The following NIBAN3 variants were observed in gnomAD, a reference collection of about 807,000 sequenced individuals.
NIBAN3 encodes the protein niban apoptosis regulator 3, also known as protein Niban 3.
NIBAN3 carries 66 observed loss-of-function variants against 76.4 expected under a neutral mutation model. The ratio of observed to expected loss-of-function variants is 0.86; its 90% confidence interval spans 0.71 to 1.06. The LOEUF (loss-of-function observed/expected upper bound fraction) is 1.06, where lower values mean the gene tolerates loss of function less well. Ranked by LOEUF, NIBAN3 falls within the 50% of genes least tolerant of loss-of-function variation. The probability of loss-of-function intolerance (pLI) is 0.00; values close to 1 mark genes in which losing one functional copy is unlikely to be tolerated. For missense variants in NIBAN3, 808 were observed against 810.7 expected (o/e 1.00, Z 0.04); for synonymous variants, 360 against 355.2 (o/e 1.01, Z -0.15).
chr19:17,526,862 C>CT (rs1328023419), upstream of NIBAN3, among the ~76,000 whole-genome samples: 1 of 152,020 alleles, frequency 6.6e-6, no homozygotes, highest in East Asian at 1.9e-4. Context: ...CTGTCCAGCT[C>CT]TGTCTCCCCA....
chr19:17,553,409 T>C lies in NIBAN3; in HGVS notation c.*1511T>C, dbSNP rs1421896219. On this transcript the variant is annotated 3_prime_UTR_variant, in exon 15 of 15. Coordinates refer to ENST00000599164, the MANE Select transcript of NIBAN3 (RefSeq NM_001321827.2). ...GCAAAGTCATCTGCTAACTGGATAT[T>C]GGCAGCTTCTCTGCTGTCTTGCAGC... is the stretch of plus-strand genomic sequence containing the variant. The C allele has an allele frequency of 6.2e-7, 1 of 1,614,114 alleles. No individual in the cohort carries two copies. Among genetic ancestry groups the C allele is most frequent in the African/African-American group, 1.3e-5 (1 of 74,944 alleles).
chr19:17,525,646 TGGGGGCTTCGGGAGCTGCA>T (rs992364429), upstream of NIBAN3, among the ~76,000 whole-genome samples: 1 of 151,474 alleles, frequency 6.6e-6, no homozygotes, highest in African/African-American at 2.4e-5. Context: ...CAGAGGGACA[TGGGGGCTTCGGGAGCTGCA>T]GGGGGCTGAG....
At chr19:17,532,147 C>G in intron 2 of NIBAN3, 116 bp from the exon 3 acceptor site, 2 of 1,320,622 alleles carry the variant, frequency 1.5e-6, no homozygotes, top group Non-Finnish European at 2.0e-6. Context: ...CTCTGTCCAG[C>G]CTGGGGCATC....
intron 13 of NIBAN3, among the ~76,000 whole-genome samples, chr19:17,547,774 T>A (rs1222843012): frequency 1.3e-5 from 2 of 151,694 alleles, no homozygotes. Flanking sequence ...TTCAAGCCAT[T>A]CTCCTGTCTC....
At chr19:17,538,562 G>C (rs1194305642) in intron 5 of NIBAN3, among the ~76,000 whole-genome samples, 1 of 151,770 alleles carries the variant, frequency 6.6e-6, no homozygotes, top group Non-Finnish European at 1.5e-5. Context: ...CTTGGAGGCT[G>C]CAGTAAGCAA....
intron 13 of NIBAN3, 72 bp from the exon 14 acceptor site, chr19:17,549,372 C>T (rs1209669765): frequency 1.9e-6 from 2 of 1,064,366 alleles, no homozygotes; most frequent in African/African-American, 3.2e-5. Context: ...TGTAGTCTCT[C>T]TGGGAAAATG....
Position 17,540,498 on chromosome 19 carries a change from G to T in NIBAN3, c.1086G>T (p.Ala362=). The part of the protein sequence containing the change: ...LLRTVEASLE[A]VRTLLAQGMD... ...GCACCGTGGAAGCCTCGCTCGAGGCGGTGCGGACCCTCCTGGCTCAAGGCA... is the reference window on the plus strand; with the variant it reads ...GCACCGTGGAAGCCTCGCTCGAGGCTGTGCGGACCCTCCTGGCTCAAGGCA... Residue 362 remains alanine (A), a synonymous_variant, in exon 9 of 15, where the codon GCG becomes GCT. Coordinates refer to ENST00000599164, the MANE Select transcript of NIBAN3 (RefSeq NM_001321827.2). 2.5e-6 allele frequency: 4 copies of T among 1,598,884 alleles called. No individual in the cohort carries two copies. Among genetic ancestry groups the T allele is most frequent in the South Asian group, 1.1e-5 (1 of 89,558 alleles).
downstream of NIBAN3, among the ~76,000 whole-genome samples, chr19:17,554,925 G>A (rs972644924): frequency 1.5e-5 from 2 of 136,702 alleles, no homozygotes; most frequent in East Asian, 4.0e-4. Context: ...GCCAGACTCC[G>A]TCTCAAAAAA....
At position 17,530,890 on chromosome 19, in the gene NIBAN3, G is replaced by T. The variant is rs1182963129; in HGVS notation, c.186+5G>T. On this transcript the variant is annotated splice_donor_5th_base_variant and intron_variant, in intron 2 of 14. Coordinates refer to ENST00000599164, the MANE Select transcript of NIBAN3 (RefSeq NM_001321827.2). Reference sequence around the variant, plus strand: ...AGCCAGTTGCTACGCAGCAAAGTGGGTGTTGTGGGGGCAGAGGACGTTTGA... The same window carrying T: ...AGCCAGTTGCTACGCAGCAAAGTGGTTGTTGTGGGGGCAGAGGACGTTTGA... 6.2e-7 allele frequency: 1 copy of T among 1,612,598 alleles called. No individual in the cohort carries two copies.
At position 17,537,943 on chromosome 19, in the gene NIBAN3, T is replaced by TCACA. The variant is rs34026263; in HGVS notation, c.595+416_595+419dup. Among the ~76,000 whole-genome samples the TCACA allele has an allele frequency of 7.3e-3, 1,072 of 145,974 alleles. 14 individuals carry two copies. Among genetic ancestry groups the TCACA allele is most frequent in the African/African-American group, 0.024 (974 of 39,798 alleles). ...CCTGGGCAACAAGAGCAAAACTCCA[T>TCACA]CACACACACACACACACACGAGAAG... On this transcript the variant is annotated intron_variant, in intron 5 of 14. Coordinates refer to ENST00000599164, the MANE Select transcript of NIBAN3 (RefSeq NM_001321827.2).
At chr19:17,543,891 C>T (rs1283222092) in intron 12 of NIBAN3, 8 of 254,102 alleles carry the variant, frequency 3.1e-5, no homozygotes, top group Non-Finnish European at 6.1e-5. Flanking sequence ...ACTCAGGAGG[C>T]TGAAGCAGGA....
At chr19:17,532,514 G>T in intron 3 of NIBAN3, 126 bp downstream of exon 3, 1 of 1,458,688 alleles carries the variant, frequency 6.9e-7, no homozygotes, top group Non-Finnish European at 9.5e-7. Flanking sequence ...GATGAATCTT[G>T]TGCCCCTATG....
At chr19:17,525,496 G>A (rs905072884), upstream of NIBAN3, among the ~76,000 whole-genome samples, 3 of 152,182 alleles carry the variant, frequency 2.0e-5, no homozygotes, top group Admixed American at 6.5e-5. Context: ...TAAAGGTCGC[G>A]CCCAACCAGT....
chr19:17,532,209 C>G, intron 2 of NIBAN3, 54 bp from the exon 3 acceptor site: 1 of 1,563,550 alleles, frequency 6.4e-7, no homozygotes, highest in African/African-American at 1.4e-5. Flanking sequence ...GTGGTCGGGC[C>G]ACAGGGACAT....
rs1050826114 is a variant in NIBAN3, at chr19:17,540,569, G to A, written c.1157G>A (p.Arg386Gln). The A allele has an allele frequency of 5.3e-6, 8 of 1,517,290 alleles. No homozygotes were observed. Among genetic ancestry groups the A allele is most frequent in the East Asian group, 2.5e-5 (1 of 40,588 alleles). The allele number at this position is 1,517,290 out of a possible 1,614,324, so 94.0% of individuals were successfully genotyped here. The change falls in exon 9 of 15, where the codon CGG becomes CAG. Residue 386 changes from arginine (R) to glutamine (Q), a missense_variant. By Grantham distance (43) the Arg-to-Gln change is conservative. Transcript: ENST00000599164. ...CTGCGCCAGAGCCCCTCAGGCACGCGGCTGCGCAGGGAGGTGAGCTCCCGT... is the reference window on the plus strand; with the variant it reads ...CTGCGCCAGAGCCCCTCAGGCACGCAGCTGCGCAGGGAGGTGAGCTCCCGT... The part of the protein sequence containing the change: ...HRLRQSPSGT[R>Q]LRREVYSFGE...
intron 12 of NIBAN3, chr19:17,545,463 G>T (rs923850648): frequency 1.1e-5 from 2 of 181,682 alleles, no homozygotes; most frequent in Admixed American, 1.3e-4. Flanking sequence ...AGCTGGGCCC[G>T]GGGGACCACT....
At position 17,540,558 on chromosome 19, in the gene NIBAN3, C is replaced by A; in HGVS notation, c.1146C>A (p.Pro382=). 6.5e-7 allele frequency: 1 copy of A among 1,546,468 alleles called. No homozygotes were observed. The highest frequency in any genetic ancestry group is 2.4e-5 in the East Asian group (1 of 41,348). Residue 382 remains proline (P), a synonymous_variant, in exon 9 of 15, where the codon CCC becomes CCA. Transcript: ENST00000599164. ...TGTCCCACCGCCTGCGCCAGAGCCC[C>A]TCAGGCACGCGGCTGCGCAGGGAGG... ...DRLSHRLRQS[P]SGTRLRREVY... is the part of the protein sequence containing the mutation.
At position 17,542,822 on chromosome 19, in the gene NIBAN3, C is replaced by T. The variant is rs573607115; in HGVS notation, c.1330-495C>T. Among the ~76,000 whole-genome samples, 1 of 152,168 alleles carries T rather than the reference C, an allele frequency of 6.6e-6. No individual in the cohort carries two copies. Among genetic ancestry groups the T allele is most frequent in the South Asian group, 2.1e-4 (1 of 4,812 alleles). On this transcript the variant is annotated intron_variant, in intron 10 of 14. Transcript: ENST00000599164. This position sits in a 1 kb window ranked among gnomAD's most constrained non-coding sequence, Gnocchi z 4.8. ...AGGAAGCTTTGCCTGCCATAGGGAG[C>T]ACAGGCTGTTGGGGACAGGAAAAGA...
intron 13 of NIBAN3, among the ~76,000 whole-genome samples, chr19:17,548,673 C>T (rs1187899894): frequency 6.6e-6 from 1 of 152,190 alleles, no homozygotes; most frequent in Non-Finnish European, 1.5e-5. Context: ...CGCCTGTAAA[C>T]CCAGCACTTT....
Sources: gnomAD v4.1 joint callset for allele counts (sites outside exome capture counted in the v4.1 genomes callset) on GRCh38, gnomAD v4.1.1 for gene constraint, Gnocchi (gnomAD v3.1) non-coding constraint, MANE v1.5 for transcripts, NCBI Gene and HGNC (gene_info 2026-07-23, HGNC 2026-07-21) for gene names.